PKNOX2: variants seen among roughly 807,000 people sequenced by gnomAD.
PKNOX2 encodes homeobox protein PKNOX2.
Under a neutral mutation model 53.1 loss-of-function variants are expected in PKNOX2, and 14 were observed. The ratio of observed to expected loss-of-function variants is 0.26; its 90% confidence interval spans 0.17 to 0.41. The LOEUF is 0.41. Among genes scored for constraint, PKNOX2 ranks in the 10% least tolerant of loss-of-function variants. The pLI is 1.00. For missense variants in PKNOX2, 496 were observed against 602.8 expected, an observed-to-expected ratio of 0.82 and a Z score of 1.85; for synonymous variants, 257 against 242.8, an observed-to-expected ratio of 1.06 and a Z score of -0.54.
At chr11:125,253,843 G>T (rs1410809962) in intron 2 of PKNOX2, among the ~76,000 whole-genome samples, 1 of 152,144 alleles carries the variant, frequency 6.6e-6, no homozygotes, top group Non-Finnish European at 1.5e-5. Flanking sequence ...CAGGCGTCTA[G>T]ATATGCCCCA....
At chr11:125,306,000 C>G (rs189676748) in intron 2 of PKNOX2, among the ~76,000 whole-genome samples, 1 of 152,256 alleles carries the variant, frequency 6.6e-6, no homozygotes, top group Non-Finnish European at 1.5e-5. Context: ...TTGTGTTTTT[C>G]CTTTTTTTTT....
At chr11:125,336,059 TG>T (rs1950419387) in intron 3 of PKNOX2, among the ~76,000 whole-genome samples, 1 of 152,212 alleles carries the variant, frequency 6.6e-6, no homozygotes, top group Admixed American at 6.5e-5. Context: ...GATAGCTTTC[TG>T]GGTCAAAACA....
chr11:125,280,001 A>G (rs539282423), intron 2 of PKNOX2, among the ~76,000 whole-genome samples: 1 of 150,718 alleles, frequency 6.6e-6, no homozygotes, highest in Non-Finnish European at 1.5e-5. Flanking sequence ...AAATATATAT[A>G]TTTTTTCCTT....
intron 6 of PKNOX2, among the ~76,000 whole-genome samples, chr11:125,389,196 A>AGAAC (rs144093832): frequency 1.3e-5 from 2 of 151,370 alleles, no homozygotes; most frequent in African/African-American, 4.9e-5. Flanking sequence ...CTCCATTTCA[A>AGAAC]AAACAAACAA....
At chr11:125,410,961 G>A (rs1955473848) in intron 9 of PKNOX2, 85 bp downstream of exon 9, 3 of 1,107,750 alleles carry the variant, frequency 2.7e-6, no homozygotes, top group Admixed American at 1.9e-5. Context: ...CACTTTACAC[G>A]GGTGACTCAT....
At chr11:125,420,884 T>C (rs1215043029) in intron 10 of PKNOX2, among the ~76,000 whole-genome samples, 2 of 151,812 alleles carry the variant, frequency 1.3e-5, no homozygotes, top group Admixed American at 1.3e-4. Context: ...AATCATGGAG[T>C]CTTCCCCAGC....
At chr11:125,244,435 G>A (rs926685994) in intron 2 of PKNOX2, among the ~76,000 whole-genome samples, 4 of 152,176 alleles carry the variant, frequency 2.6e-5, no homozygotes, top group Non-Finnish European at 5.9e-5. Flanking sequence ...TCTGTCTCTT[G>A]GTGGGGTTGG....
chr11:125,194,356 A>T (rs897749397), intron 1 of PKNOX2, among the ~76,000 whole-genome samples: 10 of 152,196 alleles, frequency 6.6e-5, no homozygotes, highest in African/African-American at 2.2e-4. Context: ...GCTTCTCATC[A>T]GAAGATAACA....
chr11:125,234,862 TA>T (rs1349208974), intron 1 of PKNOX2, among the ~76,000 whole-genome samples, 182 bp from the exon 2 acceptor site: 3 of 151,652 alleles, frequency 2.0e-5, no homozygotes, highest in Non-Finnish European at 4.4e-5. Flanking sequence ...CTCTAAACAA[TA>T]ATGGTTTTGC....
At chr11:125,354,647 T>TA (rs1159342920) in intron 4 of PKNOX2, among the ~76,000 whole-genome samples, 2 of 152,366 alleles carry the variant, frequency 1.3e-5, no homozygotes, top group East Asian at 3.9e-4. Flanking sequence ...GAATCTGCAT[T>TA]AAAAAATTCC....
At chr11:125,416,260 G>GC (rs1239385320) in intron 10 of PKNOX2, among the ~76,000 whole-genome samples, 1 of 122,250 alleles carries the variant, frequency 8.2e-6, no homozygotes, top group Non-Finnish European at 1.6e-5. Flanking sequence ...CCGAGATCCC[G>GC]CCACTGCACT....
rs117141481 is a variant in PKNOX2 at position 125,252,791 on chromosome 11, G to A, written c.-130+17676G>A. On this transcript the variant is annotated intron_variant, in intron 2 of 12. Transcript: ENST00000298282. ...GTCACCAGAGGACCTCTACCAACCC[G>A]GCCTTTGGGTTGGAGGTGGCATCAG... is the stretch of plus-strand genomic sequence containing the variant. Among the ~76,000 whole-genome samples, 45 of 152,292 alleles carry A rather than the reference G, an allele frequency of 3.0e-4. No individual in the cohort carries two copies. In the East Asian group the frequency reaches 7.9e-3, roughly 27 times the overall value.
intron 10 of PKNOX2, among the ~76,000 whole-genome samples, chr11:125,418,193 G>C (rs7926077): frequency 0.093 from 14,174 of 151,846 alleles, 2,296 homozygotes; most frequent in African/African-American, 0.32. Context: ...TGCCTCTATG[G>C]GTTTGCCTAT....
rs61917785 is a variant in PKNOX2 at position 125,368,476 on chromosome 11, G to A, written c.227+491G>A. Reference sequence around the variant, plus strand: ...CATCCTCAAAGAGGACAAATCAGTAGATCAAGCTATAGGAAGAGGGATAGG... The same window carrying A: ...CATCCTCAAAGAGGACAAATCAGTAAATCAAGCTATAGGAAGAGGGATAGG... On this transcript the variant is annotated intron_variant, in intron 5 of 12. Transcript: ENST00000298282. 3.2e-3 allele frequency among the ~76,000 whole-genome samples: 482 copies of A among 152,346 alleles called. 5 individuals carry two copies. The highest frequency in any genetic ancestry group is 6.8e-3 in the Middle Eastern group (2 of 294).
chr11:125,189,371 A>ATATATATATGTGTGTG (rs1555111563), intron 1 of PKNOX2, among the ~76,000 whole-genome samples: 3 of 79,696 alleles, frequency 3.8e-5, no homozygotes, highest in African/African-American at 1.5e-4. Flanking sequence ...ATATATATGT[A>ATATATATATGTGTGTG]TATATATATA....
chr11:125,241,098 G>C (rs974399238), intron 2 of PKNOX2, among the ~76,000 whole-genome samples: 1 of 152,130 alleles, frequency 6.6e-6, no homozygotes, highest in Non-Finnish European at 1.5e-5. Context: ...TTGAAGTTCA[G>C]CTTTCTTGGC....
At chr11:125,291,052 G>A (rs919731397) in intron 2 of PKNOX2, among the ~76,000 whole-genome samples, 1 of 152,174 alleles carries the variant, frequency 6.6e-6, no homozygotes, top group Non-Finnish European at 1.5e-5. Flanking sequence ...GAGCACAAAG[G>A]GGGTCTCTTC....
chr11:125,205,679 C>T (rs601414), intron 1 of PKNOX2, among the ~76,000 whole-genome samples: 70,268 of 151,692 alleles, frequency 0.46, 16,920 homozygotes, highest in Middle Eastern at 0.55. Flanking sequence ...TCTCATGCCA[C>T]GCCTTGCCCT....
intron 6 of PKNOX2, among the ~76,000 whole-genome samples, chr11:125,396,545 T>C (rs1231332521): frequency 6.7e-6 from 1 of 149,842 alleles, no homozygotes; most frequent in Non-Finnish European, 1.5e-5. Flanking sequence ...CTGTCACTTC[T>C]GGGAATTCAT....
Sources: gnomAD v4.1 joint callset for allele counts (sites outside exome capture counted in the v4.1 genomes callset) on GRCh38, gnomAD v4.1.1 for gene constraint, MANE v1.5 for transcripts, NCBI Gene and HGNC (gene_info 2026-07-23, HGNC 2026-07-21) for gene names.